The following FHIP2B variants were observed in gnomAD, a reference collection of about 807,000 sequenced individuals.
FHIP2B encodes the protein FHF complex subunit HOOK interacting protein 2B.
In FHIP2B, 72 loss-of-function variants were observed where a neutral mutation model predicts 84.0. The ratio of observed to expected loss-of-function variants is 0.86; its 90% confidence interval spans 0.71 to 1.04. FHIP2B has a LOEUF of 1.04. Among genes scored for constraint, FHIP2B ranks in the 50% least tolerant of loss-of-function variants. The pLI, the probability that FHIP2B is intolerant of heterozygous loss-of-function variation, is 0.00. For synonymous variants in FHIP2B, 497 were observed against 418.7 expected (o/e 1.19, Z -2.28); for missense variants, 972 against 968.9 (o/e 1.00, Z -0.04).
At chr8:22,093,170 C>T (rs1425182862) in intron 1 of FHIP2B, among the ~76,000 whole-genome samples, 1 of 152,164 alleles carries the variant, frequency 6.6e-6, no homozygotes, top group Non-Finnish European at 1.5e-5. Flanking sequence ...TTTCACGATC[C>T]AGACAGTTAG....
At chr8:22,093,845 G>A (rs1415826510) in intron 1 of FHIP2B, among the ~76,000 whole-genome samples, 6 of 146,520 alleles carry the variant, frequency 4.1e-5, no homozygotes, top group African/African-American at 1.0e-4. Context: ...AGCCTCCCAA[G>A]TAGCTGGGAC....
chr8:22,094,617 G>T, intron 2 of FHIP2B, 99 bp downstream of exon 2: 1 of 1,574,930 alleles, frequency 6.3e-7, no homozygotes, highest in South Asian at 1.1e-5. Flanking sequence ...AAGGTAACCT[G>T]CCCAGTCGTT....
At chr8:22,094,867 G>T (rs1253560203) in intron 2 of FHIP2B, 10 of 1,127,594 alleles carry the variant, frequency 8.9e-6, no homozygotes, top group Non-Finnish European at 1.1e-5. Flanking sequence ...CTTGTGCCTA[G>T]GATTTAATGA....
intron 12 of FHIP2B, 183 bp from the exon 13 acceptor site, chr8:22,101,257 A>G: frequency 1.6e-6 from 1 of 639,290 alleles, no homozygotes; most frequent in Non-Finnish European, 2.7e-6. Flanking sequence ...TCCTGACCTC[A>G]GGTGATCCGC....
In FHIP2B at chr8:22,102,916, G is replaced by A. The variant is rs185880722; in HGVS notation, c.2217G>A (p.Pro739=). The A allele has an allele frequency of 1.9e-5, 30 of 1,613,464 alleles. No homozygotes were observed. Among genetic ancestry groups the A allele is most frequent in the African/African-American group, 6.7e-5 (5 of 75,040 alleles). Residue 739 remains proline, a synonymous_variant, in exon 17 of 17, where the codon CCG becomes CCA. Coordinates refer to ENST00000289921, the MANE Select transcript of FHIP2B (RefSeq NM_022749.7). ...HDPRQNVSPA[P]EGQV ...CTCGCCAGAACGTCTCCCCAGCCCC[G>A]GAAGGGCAGGTCTGAGCCAGCACCA...
At chr8:22,093,954 C>G (rs548348429) in intron 1 of FHIP2B, among the ~76,000 whole-genome samples, 63 of 152,172 alleles carry the variant, frequency 4.1e-4, no homozygotes, top group Non-Finnish European at 7.6e-4. Flanking sequence ...TGGACTCGAG[C>G]CGTCTGCCCA....
Position 22,099,726 on chromosome 8 carries a change from T to A in FHIP2B, c.1174T>A (p.Ser392Thr), listed in dbSNP as rs1273388065. Residue 392 changes from serine to threonine, a missense_variant, in exon 10 of 17, where the codon TCC becomes ACC. Transcript: ENST00000289921. ...TAGGTCCGAGCAGAGCATCTTGACCTCCACCGCCCTCCTCACAGCCATGCT... is the reference window on the plus strand; with the variant it reads ...TAGGTCCGAGCAGAGCATCTTGACCACCACCGCCCTCCTCACAGCCATGCT... The part of the protein sequence containing the change: ...LHVSEQSILT[S>T]TALLTAMLRQ... 6.3e-7 allele frequency: 1 copy of A among 1,591,854 alleles called. No homozygotes were observed. Among genetic ancestry groups the A allele is most frequent in the Non-Finnish European group, 8.5e-7 (1 of 1,173,244 alleles).
At chr8:22,100,404 G>A (rs1312640632) in intron 10 of FHIP2B, 190 bp from the exon 11 acceptor site, 3 of 512,700 alleles carry the variant, frequency 5.9e-6, no homozygotes, top group Non-Finnish European at 9.6e-6. Flanking sequence ...TCACATACCA[G>A]GGACCACCCA....
intron 3 of FHIP2B, 22 bp from the exon 4 acceptor site, chr8:22,097,494 G>C: frequency 6.3e-7 from 1 of 1,578,920 alleles, no homozygotes; most frequent in Non-Finnish European, 8.6e-7. Context: ...GGCTCTGACA[G>C]GCGCTCTGTC....
chr8:22,102,808 C>T lies in FHIP2B; in HGVS notation c.2109C>T (p.Thr703=). ...CTCCCCTCAGGCTGGACCACCAGAC[C>T]CTCCTCCAGGGCGTGGTGGTGCTGG... ...QAPGEQLDHQ[T]LLQGVVVLEE... Residue 703 remains threonine (T), a synonymous_variant, in exon 17 of 17, where the codon ACC becomes ACT. Transcript: ENST00000289921. 1 of 1,613,448 alleles carries T rather than the reference C, an allele frequency of 6.2e-7. No homozygotes were observed. Among genetic ancestry groups the T allele is most frequent in the East Asian group, 2.2e-5 (1 of 44,870 alleles).
At position 22,089,232 on chromosome 8, in the gene FHIP2B, G is replaced by C. The variant is rs1159674340; in HGVS notation, c.-22G>C. ...CGCTGCCGCCGCCGCTTTCGCCCGG[G>C]AGCCGGGGGCCGGGCGCCATCATGC... On this transcript the variant is annotated 5_prime_UTR_variant, in exon 1 of 17. Transcript: ENST00000289921. 41 of 1,060,710 alleles carry C rather than the reference G, an allele frequency of 3.9e-5. No homozygotes were observed. The highest frequency in any genetic ancestry group is 5.5e-5 in the Admixed American group (1 of 18,200). 65.7% of individuals were successfully genotyped at this position (1,060,710 alleles called of 1,614,324 possible). A position where few individuals can be genotyped will look rare whatever the true frequency, so the allele number is the denominator to read the frequency against.
chr8:22,097,997 C>A (rs1018501574), intron 5 of FHIP2B, 71 bp from the exon 6 acceptor site: 2 of 1,527,948 alleles, frequency 1.3e-6, no homozygotes, highest in Non-Finnish European at 8.8e-7. Flanking sequence ...GGCAGCCCAC[C>A]CTGCGGTCCC....
rs1047200527 is a variant in FHIP2B, at chr8:22,101,880, T to C, written c.1851+29T>C. ...GCTAGTGGGCCTGGGCCAGGAGAAC[T>C]CCAGGCTGGTGCCTCTGGGGTCCTT... On this transcript the variant is annotated intron_variant, in intron 14 of 16. Transcript: ENST00000289921. 6 of 1,608,912 alleles carry C rather than the reference T, an allele frequency of 3.7e-6. No homozygotes were observed. In the Admixed American group the frequency reaches 5.0e-5, roughly 14 times the overall value.
intron 1 of FHIP2B, among the ~76,000 whole-genome samples, chr8:22,090,094 A>G (rs933380771): frequency 8.2e-6 from 1 of 121,490 alleles, no homozygotes; most frequent in South Asian, 2.7e-4. Context: ...GCCTACTACT[A>G]GGGTTCGTTC....
intron 1 of FHIP2B, among the ~76,000 whole-genome samples, chr8:22,092,315 C>T (rs1256696223): frequency 1.3e-5 from 2 of 152,244 alleles, no homozygotes; most frequent in Non-Finnish European, 2.9e-5. Context: ...TGTGGTGGCT[C>T]ATGCCTGTAA....
At chr8:22,091,942 G>T (rs1038459130) in intron 1 of FHIP2B, among the ~76,000 whole-genome samples, 4 of 152,340 alleles carry the variant, frequency 2.6e-5, no homozygotes, top group Admixed American at 6.5e-5. Context: ...CAGGCTAGCT[G>T]TAAAACACAG....
intron 1 of FHIP2B, among the ~76,000 whole-genome samples, chr8:22,090,687 C>T (rs1386818389): frequency 2.6e-5 from 4 of 152,126 alleles, no homozygotes; most frequent in Admixed American, 2.6e-4. Context: ...TACAGTGGTG[C>T]GATCTCCGCT....
At position 22,099,028 on chromosome 8, in the gene FHIP2B, G is replaced by A. The variant is rs1182125420; in HGVS notation, c.1046G>A (p.Cys349Tyr). ...LAAFLGWFDY[C>Y]DHLITEAHTV... ...GCCTTCTTGGGCTGGTTTGATTACT[G>A]CGACCACCTCATCACAGAGGCACAC... The change falls in exon 8 of 17, where the codon TGC (cysteine) becomes TAC (tyrosine). Residue 349 changes from cysteine (C) to tyrosine (Y), a missense_variant. Coordinates refer to ENST00000289921, the MANE Select transcript of FHIP2B (RefSeq NM_022749.7). The A allele has an allele frequency of 6.2e-7, 1 of 1,605,770 alleles. No individual in the cohort carries two copies. The highest frequency in any genetic ancestry group is 2.2e-5 in the East Asian group (1 of 44,728).
chr8:22,091,857 G>C (rs1825509928), intron 1 of FHIP2B, among the ~76,000 whole-genome samples: 1 of 152,220 alleles, frequency 6.6e-6, no homozygotes, highest in South Asian at 2.1e-4. Context: ...ACTAGGGAAA[G>C]AATCTCTCCA....
Sources: allele counts gnomAD v4.1 joint callset (sites outside exome capture counted in the v4.1 genomes callset), GRCh38; gene constraint gnomAD v4.1.1; transcripts MANE v1.5; gene names NCBI Gene and HGNC (gene_info 2026-07-23, HGNC 2026-07-21).